Variants in SPATA6 observed in about 807,000 individuals in gnomAD.
SPATA6 encodes the protein spermatogenesis-associated protein 6.
In SPATA6, 56 loss-of-function variants were observed where a neutral mutation model predicts 65.3. That is an observed-to-expected ratio of 0.86 (90% CI 0.69 to 1.07). The LOEUF (loss-of-function observed/expected upper bound fraction) is 1.07. Ranked by LOEUF, SPATA6 falls within the 50% of genes least tolerant of loss-of-function variation. The pLI is 0.00. For synonymous variants in SPATA6, 199 were observed against 213.2 expected, an observed-to-expected ratio of 0.93 and a Z score of 0.58; for missense variants, 590 against 594.8, an observed-to-expected ratio of 0.99 and a Z score of 0.08.
intron 9 of SPATA6, among the ~76,000 whole-genome samples, chr1:48,360,919 T>G (rs545565112): frequency 6.6e-6 from 1 of 152,300 alleles, no homozygotes; most frequent in South Asian, 2.1e-4. Context: ...TTTTCTGTCC[T>G]AATCAACTAG....
intron 3 of SPATA6, among the ~76,000 whole-genome samples, chr1:48,433,127 C>T (rs1391457716): frequency 6.6e-6 from 1 of 151,942 alleles, no homozygotes; most frequent in African/African-American, 2.4e-5. Flanking sequence ...CAAGAGACTG[C>T]AGGGAGGGGA....
downstream of SPATA6, among the ~76,000 whole-genome samples, chr1:48,293,042 G>A (rs544565453): frequency 1.3e-5 from 2 of 152,336 alleles, no homozygotes; most frequent in Admixed American, 6.5e-5. Context: ...GGAGAAGGGT[G>A]CTGGGGTCAT....
At chr1:48,312,497 G>A (rs554999670) in intron 11 of SPATA6, among the ~76,000 whole-genome samples, 2 of 152,214 alleles carry the variant, frequency 1.3e-5, no homozygotes, top group African/African-American at 4.8e-5. Context: ...CTCACTGCTA[G>A]AAGGAAAACT....
At chr1:48,288,441 C>A in the SPATA6 span, among the ~76,000 whole-genome samples, 1 of 152,182 alleles carries the variant, frequency 6.6e-6, no homozygotes, top group South Asian at 2.1e-4. Flanking sequence ...CAGGTGATGT[C>A]TGCATTTCCA....
intron 11 of SPATA6, among the ~76,000 whole-genome samples, chr1:48,327,885 AT>A (rs908307088): frequency 2.6e-5 from 4 of 152,164 alleles, no homozygotes; most frequent in African/African-American, 9.7e-5. Flanking sequence ...TATTTGGGTG[AT>A]GTGGGTGATA....
chr1:48,315,771 G>A (rs1388285884), intron 11 of SPATA6, among the ~76,000 whole-genome samples: 1 of 152,168 alleles, frequency 6.6e-6, no homozygotes, highest in Non-Finnish European at 1.5e-5. Context: ...CAGCTGACAT[G>A]ATTGTATATC....
At chr1:48,389,401 A>G (rs1649821189) in intron 8 of SPATA6, among the ~76,000 whole-genome samples, 1 of 152,220 alleles carries the variant, frequency 6.6e-6, no homozygotes, top group Non-Finnish European at 1.5e-5. Flanking sequence ...AAGTCTATCA[A>G]GAGACTAGAC....
chr1:48,423,447 A>T (rs1570528169), intron 3 of SPATA6, among the ~76,000 whole-genome samples: 1 of 144,760 alleles, frequency 6.9e-6, no homozygotes. Context: ...CAAAAGCGAA[A>T]CTCCATCTCA....
chr1:48,315,147 A>T (rs1203528382), intron 11 of SPATA6, among the ~76,000 whole-genome samples: 1 of 152,202 alleles, frequency 6.6e-6, no homozygotes, highest in Non-Finnish European at 1.5e-5. Flanking sequence ...TTCTGAAACT[A>T]TTCCAATCAA....
intron 11 of SPATA6, among the ~76,000 whole-genome samples, chr1:48,335,682 G>T (rs895891122): frequency 1.7e-4 from 26 of 152,066 alleles, no homozygotes; most frequent in Non-Finnish European, 1.0e-4. Context: ...TAAAAACTCT[G>T]GAAGATAACC....
intron 8 of SPATA6, among the ~76,000 whole-genome samples, chr1:48,387,950 G>A (rs1287464061): frequency 6.6e-6 from 1 of 152,150 alleles, no homozygotes; most frequent in Non-Finnish European, 1.5e-5. Flanking sequence ...GCTACCCAGA[G>A]GCTTGAGAAC....
rs145957174 is a variant in SPATA6, at chr1:48,344,095, T to C, written c.1194+11575A>G. 1.9e-3 allele frequency: 286 copies of C among 152,136 alleles called. 1 individual carries two copies. Among genetic ancestry groups the C allele is most frequent in the African/African-American group, 5.8e-3 (242 of 41,518 alleles). The allele number at this position is 152,136 out of a possible 1,614,324, so 9.4% of individuals were successfully genotyped here. A position where few individuals can be genotyped will look rare whatever the true frequency, so the allele number is the denominator to read the frequency against. ...AAAACACCATGATTTCCACACTGTA[T>C]AAAAAAGTCAATATACGCTATGAAA... On this transcript the variant is annotated intron_variant, in intron 11 of 12. Coordinates refer to ENST00000371847, the MANE Select transcript of SPATA6 (RefSeq NM_019073.4).
At chr1:48,271,219 C>T in the SPATA6 span, among the ~76,000 whole-genome samples, 1 of 152,102 alleles carries the variant, frequency 6.6e-6, no homozygotes, top group South Asian at 2.1e-4. Context: ...CTTGCAGTAG[C>T]AGTTTAGGAG....
intron 1 of SPATA6, among the ~76,000 whole-genome samples, chr1:48,455,835 A>C (rs1656960686): frequency 6.6e-6 from 1 of 152,206 alleles, no homozygotes; most frequent in African/African-American, 2.4e-5. Flanking sequence ...ATATGCAAGA[A>C]GGCATTGTTT....
At chr1:48,448,739 A>G (rs1353968676) in intron 3 of SPATA6, among the ~76,000 whole-genome samples, 1 of 152,226 alleles carries the variant, frequency 6.6e-6, no homozygotes, top group Non-Finnish European at 1.5e-5. Context: ...GTGGAACAAC[A>G]TGAATGATTC....
intron 9 of SPATA6, among the ~76,000 whole-genome samples, chr1:48,380,596 T>A (rs1368442240): frequency 6.6e-6 from 1 of 152,226 alleles, no homozygotes; most frequent in Non-Finnish European, 1.5e-5. Flanking sequence ...GGTTTACTTG[T>A]TTTCCCTTAA....
intron 3 of SPATA6, among the ~76,000 whole-genome samples, 153 bp downstream of exon 3, chr1:48,451,399 G>A (rs879158261): frequency 6.6e-5 from 10 of 152,098 alleles, no homozygotes; most frequent in African/African-American, 1.9e-4. Context: ...GGAATATTCT[G>A]AAATTCTAAA....
At chr1:48,327,948 C>A (rs147555996) in intron 11 of SPATA6, among the ~76,000 whole-genome samples, 1 of 152,024 alleles carries the variant, frequency 6.6e-6, no homozygotes, top group Non-Finnish European at 1.5e-5. Context: ...ATGTAACAAA[C>A]ATAGAATGTA....
At chr1:48,289,253 G>A in the SPATA6 span, among the ~76,000 whole-genome samples, 1 of 152,202 alleles carries the variant, frequency 6.6e-6, no homozygotes, top group African/African-American at 2.4e-5. Context: ...TGGACCTCCA[G>A]CAAACTCCAA....
Sources: gnomAD v4.1 joint callset for allele counts (sites outside exome capture counted in the v4.1 genomes callset) on GRCh38, gnomAD v4.1.1 for gene constraint, MANE v1.5 for transcripts, NCBI Gene and HGNC (gene_info 2026-07-23, HGNC 2026-07-21) for gene names.